Variants in SPAG16 observed in about 807,000 individuals in gnomAD.
SPAG16 encodes the protein sperm-associated antigen 16 protein.
In SPAG16, 86 loss-of-function variants were observed where a neutral mutation model predicts 80.4. The ratio of observed to expected loss-of-function variants is 1.07; its 90% confidence interval spans 0.90 to 1.28. SPAG16 has a LOEUF of 1.28. Among genes scored for constraint, SPAG16 ranks in the 50% most tolerant of loss-of-function variants. SPAG16 has a pLI of 0.00. For synonymous variants in SPAG16, 294 were observed against 265.9 expected (o/e 1.11, Z -1.03); for missense variants, 870 against 765.3 (o/e 1.14, Z -1.61).
chr2:213,497,063 A>G (rs921985535), intron 10 of SPAG16, among the ~76,000 whole-genome samples: 4 of 151,952 alleles, frequency 2.6e-5, no homozygotes, highest in African/African-American at 4.8e-5. Context: ...ACTTGTGATC[A>G]TTACTTATAA....
chr2:214,110,484 G>A (rs1432299826), intron 14 of SPAG16, among the ~76,000 whole-genome samples: 2 of 152,144 alleles, frequency 1.3e-5, no homozygotes, highest in Non-Finnish European at 2.9e-5. Context: ...TTTTATGGCT[G>A]CATAGTATTC....
chr2:213,388,841 A>G (rs1292222002), intron 9 of SPAG16, among the ~76,000 whole-genome samples: 1 of 152,236 alleles, frequency 6.6e-6, no homozygotes, highest in Non-Finnish European at 1.5e-5. Flanking sequence ...GAAGACATAA[A>G]TAAATGTAAA....
At chr2:213,889,355 T>C (rs2076688321) in intron 11 of SPAG16, among the ~76,000 whole-genome samples, 1 of 151,882 alleles carries the variant, frequency 6.6e-6, no homozygotes, top group South Asian at 2.1e-4. Flanking sequence ...TTACAAGAAT[T>C]ATCTAGGTAT....
intron 12 of SPAG16, among the ~76,000 whole-genome samples, chr2:213,984,882 A>G (rs1442738406): frequency 2.6e-5 from 4 of 152,240 alleles, no homozygotes; most frequent in African/African-American, 7.2e-5. Flanking sequence ...TTCCACAGAT[A>G]TCTACATGGC....
chr2:213,642,103 A>G (rs2062614226), intron 10 of SPAG16, among the ~76,000 whole-genome samples: 2 of 152,284 alleles, frequency 1.3e-5, no homozygotes, highest in African/African-American at 4.8e-5. Flanking sequence ...CACAGAGCCA[A>G]ACCATATTAC....
At chr2:214,002,569 C>T (rs2046840651) in intron 12 of SPAG16, among the ~76,000 whole-genome samples, 1 of 151,872 alleles carries the variant, frequency 6.6e-6, no homozygotes, top group Non-Finnish European at 1.5e-5. Context: ...GCAGGAAGTC[C>T]CACGATGTGC....
At chr2:214,179,295 T>C (rs1254187247) in intron 15 of SPAG16, among the ~76,000 whole-genome samples, 2 of 151,376 alleles carry the variant, frequency 1.3e-5, no homozygotes, top group African/African-American at 4.8e-5. Context: ...ATTTTTTTTT[T>C]CTGTTTGGCC....
chr2:213,421,842 C>A (rs189300319), intron 9 of SPAG16, among the ~76,000 whole-genome samples: 1 of 152,092 alleles, frequency 6.6e-6, no homozygotes, highest in Non-Finnish European at 1.5e-5. Context: ...CTCATCAGGA[C>A]GACCTGCCCG....
intron 15 of SPAG16, among the ~76,000 whole-genome samples, chr2:214,245,839 A>T (rs946289711): frequency 1.3e-5 from 2 of 152,194 alleles, no homozygotes; most frequent in East Asian, 3.8e-4. Flanking sequence ...GAATTTTTTT[A>T]AATTTACCTG....
rs2061983746 is a variant in SPAG16 at position 213,284,608 on chromosome 2, A to G, written c.125A>G (p.Tyr42Cys). 1.9e-6 allele frequency: 3 copies of G among 1,609,166 alleles called. No individual in the cohort carries two copies. The highest frequency in any genetic ancestry group is 2.5e-6 in the Non-Finnish European group (3 of 1,178,678). Residue 42 changes from tyrosine (Y) to cysteine (C), a missense_variant, in exon 1 of 16, where the codon TAC becomes TGC. Coordinates refer to ENST00000331683, the MANE Select transcript of SPAG16 (RefSeq NM_024532.5). The stretch of plus-strand genomic sequence containing the variant: ...GACGCGGTGGCGGCTGAGGGCGCCT[A>G]CTACCTGGAACGTATCCTTCCCGTG... ...TADAVAAEGA[Y>C]YLEQVTITEA...
intron 15 of SPAG16, among the ~76,000 whole-genome samples, chr2:214,250,530 TA>T (rs1433069915): frequency 1.3e-5 from 2 of 150,308 alleles, no homozygotes; most frequent in East Asian, 1.9e-4. Flanking sequence ...GAAAACAAGT[TA>T]AAAGCTTTCT....
At chr2:214,142,860 C>G (rs2055434624) in intron 14 of SPAG16, among the ~76,000 whole-genome samples, 1 of 152,184 alleles carries the variant, frequency 6.6e-6, no homozygotes, top group South Asian at 2.1e-4. Context: ...TTCCATCTGA[C>G]ACAAAGCTCT....
At chr2:214,271,999 C>A (rs1339835989) in intron 15 of SPAG16, among the ~76,000 whole-genome samples, 2 of 151,926 alleles carry the variant, frequency 1.3e-5, no homozygotes, top group Non-Finnish European at 2.9e-5. Context: ...ACAGGAAAAT[C>A]AGAATAATTC....
At chr2:213,798,040 A>G (rs1312036304) in intron 10 of SPAG16, among the ~76,000 whole-genome samples, 1 of 152,162 alleles carries the variant, frequency 6.6e-6, no homozygotes, top group Non-Finnish European at 1.5e-5. Flanking sequence ...TGTGGCCATT[A>G]CTTGCATTCC....
At chr2:213,801,471 T>A (rs2071394519) in intron 10 of SPAG16, among the ~76,000 whole-genome samples, 1 of 152,194 alleles carries the variant, frequency 6.6e-6, no homozygotes, top group Non-Finnish European at 1.5e-5. Context: ...AGTTCCACAG[T>A]CAAATATATA....
intron 11 of SPAG16, among the ~76,000 whole-genome samples, chr2:213,879,254 A>G (rs914921254): frequency 7.9e-5 from 12 of 151,654 alleles, no homozygotes; most frequent in Non-Finnish European, 1.6e-4. Context: ...ATAGTCATTG[A>G]TATTCATTCT....
chr2:213,681,727 A>G lies in SPAG16; in HGVS notation c.1071-180758A>G, dbSNP rs114449657. 3.5e-3 allele frequency among the ~76,000 whole-genome samples: 532 copies of G among 152,318 alleles called. 5 individuals carry two copies. Among genetic ancestry groups the G allele is most frequent in the African/African-American group, 0.012 (487 of 41,576 alleles). ...GGAAGCAAGACCTTCTGAAATATGC[A>G]TAGCAAAATACCCCAGAGCCTCAAA... On this transcript the variant is annotated intron_variant, in intron 10 of 15. Transcript: ENST00000331683.
chr2:213,618,858 G>C (rs1384728656), intron 10 of SPAG16, among the ~76,000 whole-genome samples: 1 of 151,878 alleles, frequency 6.6e-6, no homozygotes, highest in Non-Finnish European at 1.5e-5. Context: ...TTTCTTTCCA[G>C]ATTCCCTGCT....
At chr2:214,367,438 A>G (rs1406391742) in intron 15 of SPAG16, among the ~76,000 whole-genome samples, 1 of 152,192 alleles carries the variant, frequency 6.6e-6, no homozygotes. Flanking sequence ...TCATAACATT[A>G]AAGAAACTCT....
Sources: gnomAD v4.1 joint callset for allele counts (sites outside exome capture counted in the v4.1 genomes callset) on GRCh38, gnomAD v4.1.1 for gene constraint, MANE v1.5 for transcripts, NCBI Gene and HGNC (gene_info 2026-07-23, HGNC 2026-07-21) for gene names.